The following ASB3 variants were observed in gnomAD, a reference collection of about 807,000 sequenced individuals.
ASB3 encodes the protein ankyrin repeat and SOCS box containing 3.
ASB3 carries 41 observed loss-of-function variants against 54.5 expected under a neutral mutation model. That is an observed-to-expected ratio of 0.75 (90% CI 0.59 to 0.98). The LOEUF is 0.98. Among genes scored for constraint, ASB3 ranks in the 50% least tolerant of loss-of-function variants. The pLI is 0.00. For missense variants in ASB3, 733 were observed against 620.0 expected (o/e 1.18, Z -1.94); for synonymous variants, 266 against 221.2 (o/e 1.20, Z -1.80).
At chr2:53,731,841 T>G (rs975293225) in intron 3 of ASB3, among the ~76,000 whole-genome samples, 4 of 152,142 alleles carry the variant, frequency 2.6e-5, no homozygotes, top group African/African-American at 7.2e-5. Context: ...TTTGTAGAGA[T>G]AGCGTCTCAC....
At chr2:53,673,215 T>C (rs1011937826) in intron 9 of ASB3, among the ~76,000 whole-genome samples, 2 of 152,188 alleles carry the variant, frequency 1.3e-5, no homozygotes, top group African/African-American at 4.8e-5. Flanking sequence ...TTAACAGGCA[T>C]CTGTTAAATT....
intron 1 of ASB3, among the ~76,000 whole-genome samples, chr2:53,785,766 CCA>C (rs1288932785): frequency 6.6e-6 from 1 of 152,204 alleles, no homozygotes; most frequent in Non-Finnish European, 1.5e-5. Context: ...CCCTTGAACT[CCA>C]GAGGCGGAGG....
chr2:53,749,917 G>T (rs1354132743), intron 3 of ASB3, among the ~76,000 whole-genome samples: 1 of 151,934 alleles, frequency 6.6e-6, no homozygotes. Flanking sequence ...TAAAAAGAAT[G>T]AATTTTACTA....
chr2:53,731,339 TTGCACTGCACTCCACCTGGGTTGC>T (rs1219121036), intron 3 of ASB3, among the ~76,000 whole-genome samples: 3 of 151,798 alleles, frequency 2.0e-5, no homozygotes, highest in Non-Finnish European at 4.4e-5. Context: ...GAGGTGGAGG[TTGCACTGCACTCCACCTGGGTTGC>T]TGCACTGCAC....
At chr2:53,703,216 G>C (rs758166568) in intron 7 of ASB3, among the ~76,000 whole-genome samples, 1 of 151,872 alleles carries the variant, frequency 6.6e-6, no homozygotes, top group Non-Finnish European at 1.5e-5. Flanking sequence ...TTCCTCATTC[G>C]AGATGGATTA....
Position 53,714,525 on chromosome 2 carries a change from T to C in ASB3, c.839A>G (p.Lys280Arg). ...TNRACDTGLNKVSPVYSAVFG... is the reference protein window; with the variant it reads ...TNRACDTGLNRVSPVYSAVFG... ...CACTGCTGAGTAAACAGGGCTTACT[T>C]TGTTTAGCCCAGTGTCACAGGCCCG... The change falls in exon 7 of 10, where the codon AAA becomes AGA. Residue 280 changes from lysine (K) to arginine (R), a missense_variant. Transcript: ENST00000263634. 6.2e-7 allele frequency: 1 copy of C among 1,614,206 alleles called. No homozygotes were observed. Among genetic ancestry groups the C allele is most frequent in the South Asian group, 1.1e-5 (1 of 91,092 alleles).
intron 2 of ASB3, among the ~76,000 whole-genome samples, chr2:53,761,439 A>C (rs1337027958): frequency 1.3e-5 from 2 of 150,966 alleles, no homozygotes; most frequent in Non-Finnish European, 1.5e-5. Context: ...AAAAAAAGGC[A>C]GAAGGAGAAT....
chr2:53,780,609 T>C (rs978127495), intron 1 of ASB3, among the ~76,000 whole-genome samples: 1 of 152,088 alleles, frequency 6.6e-6, no homozygotes, highest in Non-Finnish European at 1.5e-5. Flanking sequence ...TGAGACCATG[T>C]CTCTACAAAA....
rs957999392 is a variant in ASB3, at chr2:53,761,425, GA to G, written c.196+3951del. Among the ~76,000 whole-genome samples the G allele has an allele frequency of 1.2e-3, 181 of 146,546 alleles. 2 individuals carry two copies. Among genetic ancestry groups the G allele is most frequent in the African/African-American group, 4.3e-3 (173 of 40,012 alleles). On this transcript the variant is annotated intron_variant, in intron 2 of 9. Transcript: ENST00000263634. ...TTTTCACTCTATTAATCCTGCAAAT[GA>G]AAAAAAAAAGGCAGAAGGAGAATTC... is the stretch of plus-strand genomic sequence containing the variant.
intron 8 of ASB3, among the ~76,000 whole-genome samples, chr2:53,696,287 T>A (rs1035862548): frequency 6.6e-6 from 1 of 152,224 alleles, no homozygotes; most frequent in Non-Finnish European, 1.5e-5. Flanking sequence ...GTTTCTACTT[T>A]ACTAGTTCTT....
Position 53,774,442 on chromosome 2 carries a change from G to A in ASB3, c.-13-8857C>T, listed in dbSNP as rs750777487. ...AAATTCTATTAGGAACCTTGTGCCA[G>A]AAGAAGCAGATGAGCATCTTTTCGC... On this transcript the variant is annotated intron_variant, in intron 1 of 9. Transcript: ENST00000263634. The A allele has an allele frequency of 3.1e-6, 5 of 1,608,484 alleles. No homozygotes were observed. In the South Asian group the frequency reaches 5.6e-5, roughly 18 times the overall value.
chr2:53,773,962 G>A (rs1162239537), intron 1 of ASB3, among the ~76,000 whole-genome samples: 1 of 152,098 alleles, frequency 6.6e-6, no homozygotes, highest in Non-Finnish European at 1.5e-5. Context: ...TTGAACCCGG[G>A]AGGCTGAGGT....
chr2:53,712,738 C>T (rs1670169292), intron 7 of ASB3, among the ~76,000 whole-genome samples: 1 of 150,104 alleles, frequency 6.7e-6, no homozygotes, highest in African/African-American at 2.5e-5. Context: ...AGACCATCAT[C>T]ATATTGAACA....
At chr2:53,733,009 G>C (rs895641444) in intron 3 of ASB3, among the ~76,000 whole-genome samples, 1 of 152,180 alleles carries the variant, frequency 6.6e-6, no homozygotes, top group Non-Finnish European at 1.5e-5. Context: ...CAAGCCTACT[G>C]AGAAAACCAA....
intron 9 of ASB3, among the ~76,000 whole-genome samples, chr2:53,676,455 C>T (rs148726627): frequency 1.3e-5 from 2 of 152,258 alleles, no homozygotes; most frequent in Non-Finnish European, 2.9e-5. Context: ...GCATACACTG[C>T]GTAAGGATAT....
chr2:53,751,483 G>C (rs1179371616), intron 2 of ASB3, among the ~76,000 whole-genome samples: 1 of 152,014 alleles, frequency 6.6e-6, no homozygotes, highest in Non-Finnish European at 1.5e-5. Context: ...AACACAACCA[G>C]TGACATATAA....
intron 3 of ASB3, among the ~76,000 whole-genome samples, chr2:53,730,869 G>A (rs1671269330): frequency 6.6e-6 from 1 of 151,920 alleles, no homozygotes; most frequent in Non-Finnish European, 1.5e-5. Flanking sequence ...GCAGGAAGTG[G>A]GAATCAACAC....
Position 53,670,672 on chromosome 2 carries a change from G to T in ASB3, c.1388C>A (p.Thr463Asn). 2 of 1,613,712 alleles carry T rather than the reference G, an allele frequency of 1.2e-6. No homozygotes were observed. The highest frequency in any genetic ancestry group is 1.7e-6 in the Non-Finnish European group (2 of 1,179,816). ...QQHIATVPSL[T>N]HLCRLEIRSS... Reference sequence around the variant, plus strand: ...CCGAATTTCCAAACGACAAAGATGGGTCAGGGATGGAACAGTGGCTGGAGA... The same window carrying T: ...CCGAATTTCCAAACGACAAAGATGGTTCAGGGATGGAACAGTGGCTGGAGA... The change falls in exon 10 of 10, where the codon ACC (threonine) becomes AAC (asparagine). Residue 463 changes from threonine to asparagine, a missense_variant. Coordinates refer to ENST00000263634, the MANE Select transcript of ASB3 (RefSeq NM_016115.5).
At position 53,710,333 on chromosome 2, in the gene ASB3, T is replaced by C. The variant is rs74350681; in HGVS notation, c.980+4051A>G. ...TAGTAAATTTTTCATTGCAGATTAT[T>C]GTATTTTTCCGTCTTTTTTATAGTT... is the stretch of plus-strand genomic sequence containing the variant. On this transcript the variant is annotated intron_variant, in intron 7 of 9. Coordinates refer to ENST00000263634, the MANE Select transcript of ASB3 (RefSeq NM_016115.5). Among the ~76,000 whole-genome samples the C allele has an allele frequency of 1.1e-3, 167 of 152,386 alleles. 2 individuals carry two copies. The highest frequency in any genetic ancestry group is 3.8e-3 in the African/African-American group (160 of 41,590).
Sources: gnomAD v4.1 joint callset for allele counts (sites outside exome capture counted in the v4.1 genomes callset) on GRCh38, gnomAD v4.1.1 for gene constraint, MANE v1.5 for transcripts, NCBI Gene and HGNC (gene_info 2026-07-23, HGNC 2026-07-21) for gene names.